The following IL1RAPL2 variants were observed in gnomAD, a reference collection of about 807,000 sequenced individuals.
IL1RAPL2 encodes the protein interleukin 1 receptor accessory protein like 2.
In IL1RAPL2, 3 loss-of-function variants were observed where a neutral mutation model predicts 44.1. That is an observed-to-expected ratio of 0.07 (90% CI 0.03 to 0.18). The LOEUF is 0.18. IL1RAPL2 is among the 10% of genes least tolerant of loss of function. The pLI, the probability that IL1RAPL2 is intolerant of heterozygous loss-of-function variation, is 1.00. For missense variants in IL1RAPL2, 391 were observed against 496.4 expected, an observed-to-expected ratio of 0.79 and a Z score of 2.02; for synonymous variants, 181 against 178.8, an observed-to-expected ratio of 1.01 and a Z score of -0.10.
At chrX:104,911,251 A>G (rs189411382) in intron 2 of IL1RAPL2, among the ~76,000 whole-genome samples, 1 of 112,200 alleles carries the variant, frequency 8.9e-6, no homozygotes, top group East Asian at 2.8e-4. Flanking sequence ...TCCAAATTAC[A>G]TTAACAATTT....
chrX:104,745,538 G>A (rs1932160149), intron 2 of IL1RAPL2, among the ~76,000 whole-genome samples: 1 of 112,298 alleles, frequency 8.9e-6, no homozygotes, highest in Non-Finnish European at 1.9e-5. Context: ...AAATATAAAA[G>A]TGTGATTACC....
At chrX:104,630,228 A>G (rs1413964886) in intron 1 of IL1RAPL2, among the ~76,000 whole-genome samples, 1 of 108,143 alleles carries the variant, frequency 9.2e-6, no homozygotes, top group African/African-American at 3.4e-5. Flanking sequence ...GCTCACTGCA[A>G]TCTCCGCCTC....
intron 5 of IL1RAPL2, among the ~76,000 whole-genome samples, chrX:105,344,003 C>A (rs1216012147): frequency 1.8e-5 from 2 of 110,278 alleles, no homozygotes; most frequent in Non-Finnish European, 3.8e-5. Flanking sequence ...CAAGTGATTC[C>A]CCTGCCTCAG....
intron 1 of IL1RAPL2, among the ~76,000 whole-genome samples, chrX:104,627,422 T>C (rs1222007480): frequency 9.2e-6 from 1 of 108,564 alleles, no homozygotes; most frequent in Non-Finnish European, 1.9e-5. Context: ...ACATGGCACA[T>C]GTATACATAT....
At chrX:105,113,893 A>G (rs1422952040) in intron 2 of IL1RAPL2, among the ~76,000 whole-genome samples, 1 of 111,916 alleles carries the variant, frequency 8.9e-6, no homozygotes, top group Non-Finnish European at 1.9e-5. Context: ...TCAAAGCACA[A>G]TGTAGAAAAA....
intron 6 of IL1RAPL2, among the ~76,000 whole-genome samples, chrX:105,659,008 T>G (rs1480667082): frequency 9.3e-6 from 1 of 107,417 alleles, no homozygotes; most frequent in African/African-American, 3.4e-5. Flanking sequence ...GTGCCTATAG[T>G]CCCAGCTATG....
intron 2 of IL1RAPL2, among the ~76,000 whole-genome samples, chrX:105,025,128 C>A (rs188497526): frequency 1.8e-5 from 2 of 110,585 alleles, no homozygotes; most frequent in Admixed American, 9.7e-5. Flanking sequence ...ATCAGTTTCA[C>A]AAACTCTTTA....
At chrX:105,553,927 C>T (rs888842701) in intron 6 of IL1RAPL2, among the ~76,000 whole-genome samples, 2 of 112,764 alleles carry the variant, frequency 1.8e-5, no homozygotes, top group African/African-American at 6.4e-5. Context: ...GGTCCTTTCC[C>T]AATTTTGAAA....
chrX:105,040,256 T>C (rs916546381), intron 2 of IL1RAPL2, among the ~76,000 whole-genome samples: 1 of 111,527 alleles, frequency 9.0e-6, no homozygotes, highest in Non-Finnish European at 1.9e-5. Context: ...GGATAAGCTT[T>C]TTGATGTGCT....
intron 2 of IL1RAPL2, among the ~76,000 whole-genome samples, chrX:105,060,846 T>C (rs766881532): frequency 2.1e-4 from 23 of 110,625 alleles, no homozygotes; most frequent in East Asian, 2.0e-3. Context: ...TAGTTGCTCA[T>C]AGTGGCCCCA....
intron 5 of IL1RAPL2, among the ~76,000 whole-genome samples, chrX:105,433,020 G>T (rs2035858546): frequency 9.0e-6 from 1 of 110,609 alleles, no homozygotes; most frequent in Non-Finnish European, 1.9e-5. Flanking sequence ...AATATACAAG[G>T]TTATTTTTGT....
intron 2 of IL1RAPL2, among the ~76,000 whole-genome samples, chrX:104,843,372 G>T (rs1047768319): frequency 2.7e-5 from 3 of 111,286 alleles, no homozygotes; most frequent in African/African-American, 9.8e-5. Flanking sequence ...GAGCAACACT[G>T]CTTGGCTCCC....
At chrX:104,647,393 GC>G (rs1930062009) in intron 1 of IL1RAPL2, 1 of 557,426 alleles carries the variant, frequency 1.8e-6, no homozygotes, top group Non-Finnish European at 3.2e-6. Context: ...CTGCTGCTCA[GC>G]CTTTTCCACC....
intron 2 of IL1RAPL2, among the ~76,000 whole-genome samples, chrX:105,037,632 G>A (rs2031653135): frequency 9.0e-6 from 1 of 111,547 alleles, no homozygotes; most frequent in Non-Finnish European, 1.9e-5. Context: ...TACAATGGCT[G>A]AAGAATTCAA....
chrX:105,584,717 G>T lies in IL1RAPL2; in HGVS notation c.772+100330G>T, dbSNP rs191179068. Among the ~76,000 whole-genome samples, 225 of 111,221 alleles carry T rather than the reference G, an allele frequency of 2.0e-3. 1 individual carries two copies. Among genetic ancestry groups the T allele is most frequent in the African/African-American group, 7.1e-3 (217 of 30,657 alleles). ...CAGCTAAAATATGCTCTACCATATT[G>T]TGTCTTGCATAATTTCTGAATATTA... On this transcript the variant is annotated intron_variant, in intron 6 of 10. Transcript: ENST00000372582.
At chrX:105,737,183 T>C (rs1306645755) in intron 7 of IL1RAPL2, among the ~76,000 whole-genome samples, 9 of 110,368 alleles carry the variant, frequency 8.2e-5, no homozygotes, top group Non-Finnish European at 1.7e-4. Flanking sequence ...AAATATTGAG[T>C]ACATTTGAAC....
intron 2 of IL1RAPL2, among the ~76,000 whole-genome samples, chrX:104,887,725 T>G (rs1386932585): frequency 9.0e-6 from 1 of 111,704 alleles, no homozygotes; most frequent in African/African-American, 3.3e-5. Context: ...CAAATTATAG[T>G]CCAGACTTAT....
At chrX:104,969,023 G>GTA (rs1491065485) in intron 2 of IL1RAPL2, among the ~76,000 whole-genome samples, 2 of 101,359 alleles carry the variant, frequency 2.0e-5, no homozygotes, top group African/African-American at 7.5e-5. Flanking sequence ...GTGTGTGTGT[G>GTA]TAAGTAAAAA....
intron 2 of IL1RAPL2, among the ~76,000 whole-genome samples, chrX:105,035,192 G>A (rs140750533): frequency 2.5e-3 from 285 of 111,781 alleles, no homozygotes; most frequent in African/African-American, 8.7e-3. Flanking sequence ...TGCACTTCCC[G>A]AGTGAGGCAA....
Sources: gnomAD v4.1 joint callset for allele counts (sites outside exome capture counted in the v4.1 genomes callset) on GRCh38, gnomAD v4.1.1 for gene constraint, MANE v1.5 for transcripts, NCBI Gene and HGNC (gene_info 2026-07-23, HGNC 2026-07-21) for gene names.